The following RORA variants were observed in gnomAD, a reference collection of about 807,000 sequenced individuals.
RORA encodes the protein nuclear receptor ROR-alpha.
Under a neutral mutation model 69.5 loss-of-function variants are expected in RORA, and 7 were observed. That is an observed-to-expected ratio of 0.10 (90% CI 0.06 to 0.19). The LOEUF is 0.19. Ranked by LOEUF, RORA falls within the 10% of genes least tolerant of loss-of-function variation. RORA has a pLI of 1.00. For synonymous variants in RORA, 261 were observed against 240.8 expected, an observed-to-expected ratio of 1.08 and a Z score of -0.78; for missense variants, 457 against 663.0, an observed-to-expected ratio of 0.69 and a Z score of 3.41.
chr15:60,536,848 T>C (rs1595931126), intron 2 of RORA, among the ~76,000 whole-genome samples: 1 of 152,256 alleles, frequency 6.6e-6, no homozygotes, highest in East Asian at 1.9e-4. Flanking sequence ...AGCCTATCTA[T>C]CTTTTACACA....
intron 2 of RORA, among the ~76,000 whole-genome samples, chr15:60,533,488 T>C (rs2141460148): frequency 1.5e-5 from 2 of 137,634 alleles, no homozygotes. Flanking sequence ...GAAAAATTCT[T>C]TATGAAATAT....
rs562671152 is a variant in RORA, at chr15:61,118,183, G to C, written c.166+110870C>G. ...TTAATACAGATATACAGAGAGTATT[G>C]GAAAGGAAAGAGGGTAGGGGTGGGG... On this transcript the variant is annotated intron_variant, in intron 1 of 10. Coordinates refer to ENST00000335670, the MANE Select transcript of RORA (RefSeq NM_134261.3). 3.9e-5 allele frequency among the ~76,000 whole-genome samples: 6 copies of C among 152,286 alleles called. No homozygotes were observed. In the East Asian group the frequency reaches 1.2e-3, roughly 29 times the overall value.
At position 61,212,890 on chromosome 15, in the gene RORA, T is replaced by C. The variant is rs116017666; in HGVS notation, c.166+16163A>G. ...ACCTCATAGATGTAAAAATTCACCT[T>C]CTAATCCTCTATCAAGAGTGCTGCT... On this transcript the variant is annotated intron_variant, in intron 1 of 10. Transcript: ENST00000335670. Among the ~76,000 whole-genome samples the C allele has an allele frequency of 6.9e-3, 1,048 of 152,274 alleles. 18 individuals are homozygous for C. The highest frequency in any genetic ancestry group is 0.024 in the African/African-American group (983 of 41,542).
At chr15:60,583,834 C>A (rs925630528) in intron 2 of RORA, among the ~76,000 whole-genome samples, 1 of 152,130 alleles carries the variant, frequency 6.6e-6, no homozygotes, top group Admixed American at 6.6e-5. Flanking sequence ...ATATAATTTA[C>A]CTTTCTGAGA....
At chr15:60,728,022 G>C (rs959839274) in intron 1 of RORA, among the ~76,000 whole-genome samples, 1 of 152,122 alleles carries the variant, frequency 6.6e-6, no homozygotes, top group Non-Finnish European at 1.5e-5. Context: ...GGGACACCAA[G>C]GTTTGTGAAA....
At chr15:61,206,795 G>A (rs567890071) in intron 1 of RORA, among the ~76,000 whole-genome samples, 2 of 152,134 alleles carry the variant, frequency 1.3e-5, no homozygotes. Context: ...CTCAGCACAC[G>A]GGAGGGTCTG....
At chr15:61,225,213 A>C (rs2080135076) in intron 1 of RORA, among the ~76,000 whole-genome samples, 1 of 152,176 alleles carries the variant, frequency 6.6e-6, no homozygotes, top group Non-Finnish European at 1.5e-5. Context: ...AAAGTCCTTT[A>C]GTTTAAAAAA....
chr15:60,494,423 A>T lies in RORA; in HGVS notation c.*3032T>A, dbSNP rs1314778993. On this transcript the variant is annotated 3_prime_UTR_variant, in exon 11 of 11. Transcript: ENST00000335670. ...ATGTGGTTCCAATCCTTAAAAGACT[A>T]TTGGAGACTGAAGTTTAGGAAACTT... 1 of 152,244 alleles carries T rather than the reference A, an allele frequency of 6.6e-6. No individual in the cohort carries two copies. Among genetic ancestry groups the T allele is most frequent in the Admixed American group, 6.5e-5 (1 of 15,284 alleles). The allele number at this position is 152,244 out of a possible 1,614,324, so 9.4% of individuals were successfully genotyped here.
At chr15:60,615,569 A>AAG (rs1395118381) in intron 2 of RORA, among the ~76,000 whole-genome samples, 5 of 152,204 alleles carry the variant, frequency 3.3e-5, no homozygotes, top group African/African-American at 1.2e-4. Context: ...AGCAAAACCA[A>AAG]CAGGGAGCAA....
At chr15:60,733,787 G>A (rs1031668980) in intron 1 of RORA, among the ~76,000 whole-genome samples, 1 of 152,108 alleles carries the variant, frequency 6.6e-6, no homozygotes, top group African/African-American at 2.4e-5. Flanking sequence ...AACAAACGTG[G>A]GCAATGGCCT....
At chr15:61,200,954 A>G (rs1402649589) in intron 1 of RORA, among the ~76,000 whole-genome samples, 3 of 152,246 alleles carry the variant, frequency 2.0e-5, no homozygotes, top group Non-Finnish European at 4.4e-5. Context: ...TGAGACCAGA[A>G]AGCGGAAGCC....
chr15:61,068,660 C>A (rs910822112), intron 1 of RORA, among the ~76,000 whole-genome samples: 3 of 152,114 alleles, frequency 2.0e-5, no homozygotes, highest in Non-Finnish European at 4.4e-5. Context: ...CAATATAAAC[C>A]ATTCTGGGAA....
intron 1 of RORA, among the ~76,000 whole-genome samples, chr15:60,735,057 T>G (rs2071480083): frequency 6.6e-6 from 1 of 152,166 alleles, no homozygotes; most frequent in Non-Finnish European, 1.5e-5. Flanking sequence ...CTCTGTGAAG[T>G]ACAAAGCATC....
intron 1 of RORA, among the ~76,000 whole-genome samples, chr15:61,225,777 G>A (rs543481184): frequency 2.0e-5 from 3 of 152,284 alleles, no homozygotes; most frequent in South Asian, 2.1e-4. Context: ...GTTATGTCAC[G>A]AGGCTCATGG....
At chr15:61,030,830 C>T (rs1896127126) in intron 1 of RORA, among the ~76,000 whole-genome samples, 1 of 151,984 alleles carries the variant, frequency 6.6e-6, no homozygotes, top group South Asian at 2.1e-4. Flanking sequence ...GTATCTCTTC[C>T]CCATTAATTT....
At chr15:61,024,270 CTTTTTTTT>C (rs34008494) in intron 1 of RORA, among the ~76,000 whole-genome samples, 1 of 79,396 alleles carries the variant, frequency 1.3e-5, no homozygotes, top group Non-Finnish European at 2.3e-5. Flanking sequence ...TCTTGGATCT[CTTTTTTTT>C]TTTTTTTTTT....
At chr15:60,699,670 C>T (rs1596136946) in intron 1 of RORA, among the ~76,000 whole-genome samples, 1 of 152,290 alleles carries the variant, frequency 6.6e-6, no homozygotes, top group Non-Finnish European at 1.5e-5. Context: ...AATGGGGATT[C>T]TAATAAGAGA....
At chr15:60,849,396 C>A (rs1018291129) in intron 1 of RORA, among the ~76,000 whole-genome samples, 3 of 152,154 alleles carry the variant, frequency 2.0e-5, no homozygotes, top group Admixed American at 6.5e-5. Context: ...AAAAAGTACA[C>A]CCCAAATATT....
chr15:60,838,483 G>A lies in RORA; in HGVS notation c.167-159797C>T, dbSNP rs2073148749. Reference sequence around the variant, plus strand: ...CCGGGCCATGGGGCCAGCCTCTGTGGTGCAGGGCTGCCACTCTGTCTCTGT... The same window carrying A: ...CCGGGCCATGGGGCCAGCCTCTGTGATGCAGGGCTGCCACTCTGTCTCTGT... On this transcript the variant is annotated intron_variant, in intron 1 of 10. Coordinates refer to ENST00000335670, the MANE Select transcript of RORA (RefSeq NM_134261.3). 1.3e-5 allele frequency among the ~76,000 whole-genome samples: 2 copies of A among 152,160 alleles called. 1 individual carries two copies. The highest frequency in any genetic ancestry group is 4.1e-4 in the South Asian group (2 of 4,832).
Sources: allele counts gnomAD v4.1 joint callset (sites outside exome capture counted in the v4.1 genomes callset), GRCh38; gene constraint gnomAD v4.1.1; transcripts MANE v1.5; gene names NCBI Gene and HGNC (gene_info 2026-07-23, HGNC 2026-07-21).